The following SIK3 variants were observed in gnomAD, a reference collection of about 807,000 sequenced individuals.
SIK3 encodes SIK family kinase 3.
Under a neutral mutation model 144.2 loss-of-function variants are expected in SIK3, and 28 were observed. The observed-to-expected ratio is 0.19, with a 90% CI of 0.14 to 0.27. The LOEUF is 0.27. Among genes scored for constraint, SIK3 ranks in the 10% least tolerant of loss-of-function variants. The pLI is 1.00. For missense variants in SIK3, 1,319 were observed against 1,776.0 expected, an observed-to-expected ratio of 0.74 and a Z score of 4.62; for synonymous variants, 686 against 676.3, an observed-to-expected ratio of 1.01 and a Z score of -0.22.
At chr11:116,972,644 C>T (rs1224065410) in intron 1 of SIK3, among the ~76,000 whole-genome samples, 3 of 152,020 alleles carry the variant, frequency 2.0e-5, no homozygotes, top group South Asian at 2.1e-4. Flanking sequence ...TGGATGCAGT[C>T]CTACTCAAAA....
intron 1 of SIK3, among the ~76,000 whole-genome samples, chr11:117,086,812 C>T (rs761562744): frequency 2.6e-5 from 4 of 150,962 alleles, no homozygotes; most frequent in South Asian, 2.1e-4. Flanking sequence ...CTGACTAACA[C>T]GGTGAAACCC....
intron 1 of SIK3, among the ~76,000 whole-genome samples, chr11:117,011,430 T>G (rs1238163428): frequency 6.6e-6 from 1 of 152,236 alleles, no homozygotes; most frequent in Non-Finnish European, 1.5e-5. Context: ...GTCATTGTTT[T>G]GTACCAACAA....
chr11:116,946,534 C>A (rs1420554373), intron 3 of SIK3, among the ~76,000 whole-genome samples: 1 of 152,138 alleles, frequency 6.6e-6, no homozygotes, highest in Non-Finnish European at 1.5e-5. Context: ...TCACACTGGG[C>A]AATAAACAGA....
chr11:117,049,937 G>A (rs1208099902), intron 1 of SIK3, among the ~76,000 whole-genome samples: 1 of 145,946 alleles, frequency 6.9e-6, no homozygotes, highest in Non-Finnish European at 1.5e-5. Context: ...TCCAGCCTGG[G>A]CGTCTGAGCG....
intron 1 of SIK3, among the ~76,000 whole-genome samples, chr11:117,090,586 A>G (rs1955200506): frequency 6.6e-6 from 1 of 152,246 alleles, no homozygotes; most frequent in African/African-American, 2.4e-5. Flanking sequence ...GCCCAGCAGA[A>G]CAAATGTATA....
At chr11:117,056,416 C>CGGAAA (rs1953524429) in intron 1 of SIK3, among the ~76,000 whole-genome samples, 1 of 151,882 alleles carries the variant, frequency 6.6e-6, no homozygotes, top group South Asian at 2.1e-4. Flanking sequence ...AGGAGATATA[C>CGGAAA]CTTATGTAAA....
chr11:116,991,482 C>T (rs1323168052), intron 1 of SIK3, among the ~76,000 whole-genome samples: 1 of 152,112 alleles, frequency 6.6e-6, no homozygotes, highest in South Asian at 2.1e-4. Flanking sequence ...TTAGAGAATG[C>T]TTTCTAAAAA....
At chr11:117,045,133 A>C (rs1952903095) in intron 1 of SIK3, among the ~76,000 whole-genome samples, 1 of 152,222 alleles carries the variant, frequency 6.6e-6, no homozygotes, top group Non-Finnish European at 1.5e-5. Flanking sequence ...TCCAAAGCAC[A>C]AGACAGAATC....
chr11:116,895,000 T>C (rs1945320282), intron 6 of SIK3, among the ~76,000 whole-genome samples: 2 of 152,328 alleles, frequency 1.3e-5, no homozygotes, highest in South Asian at 2.1e-4. Flanking sequence ...AAATTTTTCA[T>C]CATAAAATTT....
In SIK3 at chr11:116,860,170, G is replaced by A. The variant is rs185590067; in HGVS notation, c.2426-566C>T. ...TGAGGCAGGAGAATCATTTGAACCC[G>A]GAGGTGGAGGTTGCAGTGAGCCGAG... is the stretch of plus-strand genomic sequence containing the variant. On this transcript the variant is annotated intron_variant, in intron 19 of 24. Coordinates refer to ENST00000445177, the MANE Select transcript of SIK3 (RefSeq NM_001366686.3). 7.8e-4 allele frequency among the ~76,000 whole-genome samples: 118 copies of A among 152,050 alleles called. 1 individual carries two copies. Among genetic ancestry groups the A allele is most frequent in the African/African-American group, 2.6e-3 (108 of 41,460 alleles).
At chr11:116,944,965 CTT>C (rs201545149) in intron 3 of SIK3, among the ~76,000 whole-genome samples, 5 of 145,758 alleles carry the variant, frequency 3.4e-5, no homozygotes, top group Admixed American at 1.4e-4. Context: ...TTTCTTTTTT[CTT>C]TTTTTTTTTT....
At chr11:116,945,512 A>G (rs1437115981) in intron 3 of SIK3, among the ~76,000 whole-genome samples, 1 of 149,654 alleles carries the variant, frequency 6.7e-6, no homozygotes, top group Non-Finnish European at 1.5e-5. Flanking sequence ...GGTATGATCC[A>G]CCATGCCCAG....
Position 116,917,827 on chromosome 11 carries a change from G to GAAAGGA in SIK3, c.616+9391_616+9392insTCCTTT, listed in dbSNP as rs140214554. Among the ~76,000 whole-genome samples the GAAAGGA allele has an allele frequency of 1.0e-3, 108 of 105,016 alleles. 1 individual carries two copies. In the East Asian group the frequency reaches 0.018, roughly 17 times the overall value. The allele number at this position is 105,016 out of a possible 152,430, so 68.9% of individuals were successfully genotyped here. On this transcript the variant is annotated intron_variant, in intron 4 of 24. Transcript: ENST00000445177. ...GAGGAAGGAAAGAAGGAAGAAGAAG[G>GAAAGGA]AAGGAAAGGAAAGGAAAGGAAAGGA... is the stretch of plus-strand genomic sequence containing the variant.
intron 6 of SIK3, among the ~76,000 whole-genome samples, chr11:116,888,912 G>A (rs1387174571): frequency 6.6e-6 from 1 of 152,186 alleles, no homozygotes; most frequent in Admixed American, 6.5e-5. Flanking sequence ...ATGCTTAGCT[G>A]TTTTCTAGGA....
At chr11:116,877,453 G>A (rs12278117) in intron 6 of SIK3, among the ~76,000 whole-genome samples, 10,791 of 152,212 alleles carry the variant, frequency 0.071, 442 homozygotes, top group Middle Eastern at 0.12. Flanking sequence ...ACCACCACGC[G>A]CATACTAATG....
chr11:117,061,337 G>A (rs1416465925), intron 1 of SIK3, among the ~76,000 whole-genome samples: 1 of 152,198 alleles, frequency 6.6e-6, no homozygotes, highest in African/African-American at 2.4e-5. Flanking sequence ...TGTTGTGTGT[G>A]TGTGTGAGCG....
intron 1 of SIK3, among the ~76,000 whole-genome samples, chr11:116,964,355 G>A (rs2135431541): frequency 6.6e-6 from 1 of 152,072 alleles, no homozygotes; most frequent in South Asian, 2.1e-4. Flanking sequence ...GTCAAATCAA[G>A]TACTAAGGGG....
chr11:117,057,191 T>C (rs921672131), intron 1 of SIK3, among the ~76,000 whole-genome samples: 3 of 152,220 alleles, frequency 2.0e-5, no homozygotes, highest in Non-Finnish European at 2.9e-5. Context: ...AATGTGTACA[T>C]GTACAGAAGA....
At position 116,877,004 on chromosome 11, in the gene SIK3, G is replaced by C. The variant is rs1317584755; in HGVS notation, c.904C>G (p.Pro302Ala). ...HLIRHMLVLD[P>A]NKRLSMEQIC... ...TGCTCCATGGAGAGGCGCTTATTGGGATCTAACACCAACATATGGCGGATC... is the reference window on the plus strand; with the variant it reads ...TGCTCCATGGAGAGGCGCTTATTGGCATCTAACACCAACATATGGCGGATC... The change falls in exon 7 of 25, where the codon CCC becomes GCC. Residue 302 changes from proline to alanine, a missense_variant. Physicochemically the swap from Pro to Ala is conservative, Grantham distance 27. Around this residue, in one of 8 missense-constraint regions of SIK3, gnomAD observed 34 missense variants for 56.1 expected, o/e 0.61. Coordinates refer to ENST00000445177, the MANE Select transcript of SIK3 (RefSeq NM_001366686.3). 6.2e-7 allele frequency: 1 copy of C among 1,613,990 alleles called. No individual in the cohort carries two copies.
Sources: allele counts gnomAD v4.1 joint callset (sites outside exome capture counted in the v4.1 genomes callset), GRCh38; gene constraint gnomAD v4.1.1; regional missense constraint gnomAD v4.1.1; transcripts MANE v1.5; gene names NCBI Gene and HGNC (gene_info 2026-07-23, HGNC 2026-07-21).